The following CCN4 variants were observed in gnomAD, a reference collection of about 807,000 sequenced individuals.
CCN4 encodes CCN family member 4.
Under a neutral mutation model 36.7 loss-of-function variants are expected in CCN4, and 30 were observed. The observed-to-expected ratio is 0.82, with a 90% CI of 0.61 to 1.11. CCN4 has a LOEUF of 1.11. CCN4 is among the 50% of genes least tolerant of loss of function. CCN4 has a pLI of 0.00. For missense variants in CCN4, 505 were observed against 504.9 expected, an observed-to-expected ratio of 1.00 and a Z score of 0.00; for synonymous variants, 191 against 195.4, an observed-to-expected ratio of 0.98 and a Z score of 0.19.
chr8:133,215,328 C>T (rs543492074), intron 2 of CCN4, among the ~76,000 whole-genome samples: 1 of 152,268 alleles, frequency 6.6e-6, no homozygotes, highest in South Asian at 2.1e-4. Context: ...CTGTTCCCTC[C>T]CCATAACCCA....
intron 1 of CCN4, among the ~76,000 whole-genome samples, chr8:133,192,508 C>T (rs985772368): frequency 6.6e-6 from 1 of 152,180 alleles, no homozygotes; most frequent in Admixed American, 6.5e-5. Flanking sequence ...AGGACTTGCC[C>T]AGGAGCTCCT....
chr8:133,202,511 A>C (rs1031556766), intron 1 of CCN4, among the ~76,000 whole-genome samples: 1 of 152,152 alleles, frequency 6.6e-6, no homozygotes, highest in Non-Finnish European at 1.5e-5. Context: ...TGGAAAAAAA[A>C]CCTGGCTTCT....
intron 2 of CCN4, among the ~76,000 whole-genome samples, chr8:133,213,839 T>C (rs1253067404): frequency 1.5e-5 from 2 of 132,704 alleles, no homozygotes; most frequent in African/African-American, 5.4e-5. Context: ...TTAAATATAC[T>C]ATATATACAC....
chr8:133,200,002 C>G (rs1203953069), intron 1 of CCN4, among the ~76,000 whole-genome samples: 1 of 152,150 alleles, frequency 6.6e-6, no homozygotes, highest in East Asian at 1.9e-4. Context: ...AGAACACCAC[C>G]GTGTGCCCCA....
At chr8:133,192,770 C>G (rs776628324) in intron 1 of CCN4, among the ~76,000 whole-genome samples, 1 of 152,110 alleles carries the variant, frequency 6.6e-6, no homozygotes, top group African/African-American at 2.4e-5. Flanking sequence ...GCAGAGGAGG[C>G]GAGAGGTTTA....
intron 2 of CCN4, among the ~76,000 whole-genome samples, chr8:133,219,037 G>A (rs1298370912): frequency 3.3e-5 from 5 of 152,100 alleles, no homozygotes; most frequent in Non-Finnish European, 5.9e-5. Context: ...GCTTCAGACC[G>A]CTCTCTCCCA....
At chr8:133,207,668 G>A (rs577292016) in intron 1 of CCN4, among the ~76,000 whole-genome samples, 3 of 152,092 alleles carry the variant, frequency 2.0e-5, no homozygotes, top group Admixed American at 2.0e-4. Flanking sequence ...GATTTGTTAG[G>A]GGATTATATG....
chr8:133,227,580 C>T lies in CCN4; in HGVS notation c.974C>T (p.Pro325Leu). Residue 325 changes from proline (P) to leucine (L), a missense_variant, in exon 5 of 5, where the codon CCT becomes CTT. Pro to Leu is a moderately conservative substitution (Grantham distance 98). Coordinates refer to ENST00000250160, the MANE Select transcript of CCN4 (RefSeq NM_003882.4). The part of the protein sequence containing the change: ...SKTIDVSFQC[P>L]DGLGFSRQVL... ...ACTATCGACGTGTCCTTCCAGTGTC[C>T]TGATGGGCTTGGCTTCTCCCGCCAG... The T allele has an allele frequency of 6.2e-7, 1 of 1,614,222 alleles. No individual in the cohort carries two copies. Among genetic ancestry groups the T allele is most frequent in the Non-Finnish European group, 8.5e-7 (1 of 1,180,046 alleles).
chr8:133,214,689 C>G (rs1345986220), intron 2 of CCN4, among the ~76,000 whole-genome samples: 1 of 152,134 alleles, frequency 6.6e-6, no homozygotes, highest in Admixed American at 6.5e-5. Flanking sequence ...TATGACTCAT[C>G]AGATTAAGAG....
chr8:133,212,499 A>G (rs1275404549), intron 1 of CCN4, among the ~76,000 whole-genome samples: 3 of 152,108 alleles, frequency 2.0e-5, no homozygotes, highest in African/African-American at 4.8e-5. Flanking sequence ...ACTCACAGCC[A>G]GCTTCCACCT....
chr8:133,225,385 C>A lies in CCN4; in HGVS notation c.611-5C>A. On this transcript the variant is annotated splice_region_variant and splice_polypyrimidine_tract_variant and intron_variant, in intron 3 of 4. Coordinates refer to ENST00000250160, the MANE Select transcript of CCN4 (RefSeq NM_003882.4). ...ATTCATGCAGATTCTGTTCCCCACA[C>A]ACAGATGCTGTGGGTGAGGTGGAGG... 1 of 1,592,580 alleles carries A rather than the reference C, an allele frequency of 6.3e-7. No homozygotes were observed. Among genetic ancestry groups the A allele is most frequent in the Non-Finnish European group, 8.6e-7 (1 of 1,166,148 alleles).
Position 133,227,922 on chromosome 8 carries a change from A to C in CCN4, c.*212A>C. ...TTGATATCATTCAGCATCTACTCTA[A>C]AGAAAAATGCCTGTCTCTAGCTGTT... On this transcript the variant is annotated 3_prime_UTR_variant, in exon 5 of 5. Transcript: ENST00000250160. The C allele has an allele frequency of 1.7e-6, 1 of 574,066 alleles. No homozygotes were observed. The highest frequency in any genetic ancestry group is 3.0e-6 in the Non-Finnish European group (1 of 334,078). 35.6% of individuals were successfully genotyped at this position (574,066 alleles called of 1,614,324 possible). A position where few individuals can be genotyped will look rare whatever the true frequency, so the allele number is the denominator to read the frequency against.
chr8:133,194,604 G>T (rs1853271891), intron 1 of CCN4, among the ~76,000 whole-genome samples: 1 of 129,922 alleles, frequency 7.7e-6, no homozygotes, highest in Non-Finnish European at 1.6e-5. Context: ...GGGTGTGTGT[G>T]TGTGGGTTTG....
rs1476717748 is a variant in CCN4 at position 133,194,699 on chromosome 8, G to T, written c.69+3486G>T. Reference sequence around the variant, plus strand: ...GTGTGTGTGTGGTGTGTGTGTGGAGGGTGTGTGTGGTGTGTGTGGGGATGT... The same window carrying T: ...GTGTGTGTGTGGTGTGTGTGTGGAGTGTGTGTGTGGTGTGTGTGGGGATGT... On this transcript the variant is annotated intron_variant, in intron 1 of 4. Transcript: ENST00000250160. Among the ~76,000 whole-genome samples the T allele has an allele frequency of 8.7e-3, 505 of 58,208 alleles. 3 individuals are homozygous for T. Among genetic ancestry groups the T allele is most frequent in the Non-Finnish European group, 0.012 (378 of 31,446 alleles). The allele number at this position is 58,208 out of a possible 152,430, so 38.2% of individuals were successfully genotyped here. A position where few individuals can be genotyped will look rare whatever the true frequency, so the allele number is the denominator to read the frequency against.
At chr8:133,207,699 T>G (rs1853830502) in intron 1 of CCN4, among the ~76,000 whole-genome samples, 1 of 147,234 alleles carries the variant, frequency 6.8e-6, no homozygotes, top group Non-Finnish European at 1.5e-5. Context: ...AACAGAGTTC[T>G]CCATATAGAA....
In CCN4 at chr8:133,220,723, T is replaced by C; in HGVS notation, c.492T>C (p.Arg164=). 1.2e-6 allele frequency: 2 copies of C among 1,613,650 alleles called. No homozygotes were observed. The highest frequency in any genetic ancestry group is 1.7e-6 in the Non-Finnish European group (2 of 1,179,940). Residue 164 remains arginine, a synonymous_variant, in exon 3 of 5, where the codon CGT becomes CGC. Transcript: ENST00000250160. ...TGTGCCTCCGAGTGCGCCCCCCGCG[T>C]CTCTGGTGCCCCCACCCGCGGCGCG... The part of the protein sequence containing the change: ...TPLCLRVRPP[R]LWCPHPRRVS...
chr8:133,206,437 G>A (rs965510858), intron 1 of CCN4, among the ~76,000 whole-genome samples: 1 of 152,204 alleles, frequency 6.6e-6, no homozygotes, highest in Non-Finnish European at 1.5e-5. Context: ...AGAAGGTGGT[G>A]TGGGAAACTC....
At chr8:133,204,885 G>A (rs953645231) in intron 1 of CCN4, among the ~76,000 whole-genome samples, 1 of 152,322 alleles carries the variant, frequency 6.6e-6, no homozygotes, top group Middle Eastern at 3.4e-3. Flanking sequence ...AGTTTCACAG[G>A]CCAGTGATTC....
intron 1 of CCN4, among the ~76,000 whole-genome samples, chr8:133,203,469 A>C (rs1276704736): frequency 1.3e-5 from 2 of 152,202 alleles, no homozygotes; most frequent in Non-Finnish European, 2.9e-5. Flanking sequence ...ACCACCTTCC[A>C]GCTGCGAGAT....
Sources: allele counts gnomAD v4.1 joint callset (sites outside exome capture counted in the v4.1 genomes callset), GRCh38; gene constraint gnomAD v4.1.1; transcripts MANE v1.5; gene names NCBI Gene and HGNC (gene_info 2026-07-23, HGNC 2026-07-21).